The following MDGA2 variants were observed in gnomAD, a reference collection of about 807,000 sequenced individuals.
The protein encoded by MDGA2 is MAM domain-containing glycosylphosphatidylinositol anchor protein 2.
In MDGA2, 40 loss-of-function variants were observed where a neutral mutation model predicts 117.8. That is an observed-to-expected ratio of 0.34 (90% CI 0.26 to 0.44). The LOEUF (loss-of-function observed/expected upper bound fraction) is 0.44. Among genes scored for constraint, MDGA2 ranks in the 20% least tolerant of loss-of-function variants. MDGA2 has a pLI of 1.00. For synonymous variants in MDGA2, 452 were observed against 439.0 expected (o/e 1.03, Z -0.37); for missense variants, 1,123 against 1,250.6 (o/e 0.90, Z 1.54).
intron 1 of MDGA2, among the ~76,000 whole-genome samples, chr14:47,670,830 TA>T (rs1898061025): frequency 6.6e-6 from 1 of 152,114 alleles, no homozygotes. Flanking sequence ...AGAATTATTT[TA>T]ATATAAATAA....
intron 1 of MDGA2, among the ~76,000 whole-genome samples, chr14:47,645,251 T>C (rs575669796): frequency 3.1e-4 from 44 of 142,294 alleles, no homozygotes; most frequent in African/African-American, 1.1e-3. Flanking sequence ...AATTCAATCC[T>C]TTTTTTTTTT....
intron 8 of MDGA2, among the ~76,000 whole-genome samples, chr14:47,009,066 C>A (rs368851965): frequency 6.6e-6 from 1 of 151,840 alleles, no homozygotes; most frequent in Non-Finnish European, 1.5e-5. Context: ...ACCAGGTTTA[C>A]GATATTTAAT....
intron 1 of MDGA2, among the ~76,000 whole-genome samples, chr14:47,479,327 A>G (rs1346112577): frequency 6.6e-6 from 1 of 151,934 alleles, no homozygotes; most frequent in Admixed American, 6.6e-5. Flanking sequence ...AAAGTGTGCA[A>G]TCTAATGAAG....
At chr14:47,002,353 A>G (rs1887561938) in intron 8 of MDGA2, among the ~76,000 whole-genome samples, 1 of 152,004 alleles carries the variant, frequency 6.6e-6, no homozygotes, top group Non-Finnish European at 1.5e-5. Flanking sequence ...AAGTTTAGAG[A>G]AATGGTTTAG....
chr14:47,544,880 G>A (rs1477931716), intron 1 of MDGA2, among the ~76,000 whole-genome samples: 1 of 152,144 alleles, frequency 6.6e-6, no homozygotes, highest in Admixed American at 6.5e-5. Flanking sequence ...CACCAAGGAT[G>A]GCTGCAGTTT....
intron 2 of MDGA2, among the ~76,000 whole-genome samples, chr14:47,242,471 C>T (rs1887076687): frequency 1.3e-5 from 2 of 151,918 alleles, no homozygotes; most frequent in South Asian, 2.1e-4. Flanking sequence ...ACCGGGGCTG[C>T]GTGTGGCGCT....
At chr14:47,221,715 A>T (rs1886310053) in intron 2 of MDGA2, among the ~76,000 whole-genome samples, 1 of 149,184 alleles carries the variant, frequency 6.7e-6, no homozygotes, top group Non-Finnish European at 1.5e-5. Flanking sequence ...AGATTACGGG[A>T]AGTGAGTGGA....
intron 1 of MDGA2, among the ~76,000 whole-genome samples, chr14:47,549,216 C>T (rs762985731): frequency 1.3e-5 from 2 of 152,086 alleles, no homozygotes; most frequent in Non-Finnish European, 2.9e-5. Flanking sequence ...CAAAAAAATG[C>T]CACAAAGTTC....
At chr14:47,606,477 A>G (rs1034445189) in intron 1 of MDGA2, among the ~76,000 whole-genome samples, 1 of 152,212 alleles carries the variant, frequency 6.6e-6, no homozygotes, top group Non-Finnish European at 1.5e-5. Flanking sequence ...TGTATTTATT[A>G]TATTTATCAC....
intron 2 of MDGA2, among the ~76,000 whole-genome samples, chr14:47,233,187 A>G (rs564895896): frequency 8.5e-5 from 13 of 152,266 alleles, no homozygotes; most frequent in African/African-American, 2.4e-4. Context: ...GATAAAACCA[A>G]TATCTGCAAA....
intron 9 of MDGA2, among the ~76,000 whole-genome samples, chr14:46,951,475 T>C (rs1885368578): frequency 6.6e-6 from 1 of 152,002 alleles, no homozygotes; most frequent in South Asian, 2.1e-4. Context: ...GATCGTATTA[T>C]GTACATAAGA....
intron 1 of MDGA2, among the ~76,000 whole-genome samples, chr14:47,517,552 G>A (rs1008912650): frequency 1.2e-4 from 18 of 151,978 alleles, no homozygotes; most frequent in African/African-American, 3.9e-4. Context: ...TATATTAAAT[G>A]CAAAATATGA....
At chr14:47,275,097 T>C (rs1484239668) in intron 2 of MDGA2, among the ~76,000 whole-genome samples, 1 of 152,204 alleles carries the variant, frequency 6.6e-6, no homozygotes. Flanking sequence ...TTTGTTGTGA[T>C]TATTGCTTGT....
intron 7 of MDGA2, among the ~76,000 whole-genome samples, chr14:47,059,701 G>C (rs1179394925): frequency 7.2e-5 from 11 of 152,004 alleles, no homozygotes; most frequent in Admixed American, 7.2e-4. Flanking sequence ...TTAGATAAAA[G>C]CATTGATTCT....
chr14:47,118,751 A>AC (rs1396750634), intron 5 of MDGA2, among the ~76,000 whole-genome samples: 3 of 152,230 alleles, frequency 2.0e-5, no homozygotes, highest in Non-Finnish European at 2.9e-5. Context: ...ATCAACAACA[A>AC]AAAAAGGTCT....
chr14:46,924,477 A>C (rs930151614), intron 9 of MDGA2, among the ~76,000 whole-genome samples: 3 of 152,132 alleles, frequency 2.0e-5, no homozygotes, highest in African/African-American at 7.2e-5. Context: ...AAAATAATTC[A>C]CATTTTGGAA....
At chr14:47,534,411 A>C (rs1895164048) in intron 1 of MDGA2, among the ~76,000 whole-genome samples, 1 of 152,192 alleles carries the variant, frequency 6.6e-6, no homozygotes, top group African/African-American at 2.4e-5. Flanking sequence ...GGTAATTTAT[A>C]AAGAAAAGAG....
chr14:47,497,753 C>T (rs1376474499), intron 1 of MDGA2, among the ~76,000 whole-genome samples: 1 of 152,026 alleles, frequency 6.6e-6, no homozygotes, highest in Non-Finnish European at 1.5e-5. Flanking sequence ...TAAAAATAAA[C>T]ATATTAGTGT....
At chr14:47,096,550 T>C (rs1477705639) in intron 6 of MDGA2, among the ~76,000 whole-genome samples, 1 of 152,028 alleles carries the variant, frequency 6.6e-6, no homozygotes, top group African/African-American at 2.4e-5. Flanking sequence ...GAATGTTTTA[T>C]GCTGCAAGCC....
Sources: gnomAD v4.1 joint callset for allele counts (sites outside exome capture counted in the v4.1 genomes callset) on GRCh38, gnomAD v4.1.1 for gene constraint, MANE v1.5 for transcripts, NCBI Gene and HGNC (gene_info 2026-07-23, HGNC 2026-07-21) for gene names.